LINGO1: variants seen among roughly 807,000 people sequenced by gnomAD.
The protein encoded by LINGO1 is leucine-rich repeat and immunoglobulin-like domain-containing nogo receptor-interacting protein 1.
LINGO1 carries 11 observed loss-of-function variants against 37.3 expected under a neutral mutation model. The ratio of observed to expected loss-of-function variants is 0.29; its 90% CI spans 0.19 to 0.49. LINGO1 has a LOEUF of 0.49. LINGO1 is among the 20% of genes least tolerant of loss of function. The pLI is 0.99. For missense variants in LINGO1, 585 were observed against 878.2 expected (o/e 0.67, Z 4.22); for synonymous variants, 387 against 403.0 (o/e 0.96, Z 0.48).
At chr15:77,775,318 T>G (rs1226873845) in intron 1 of LINGO1, among the ~76,000 whole-genome samples, 1 of 152,152 alleles carries the variant, frequency 6.6e-6, no homozygotes. Flanking sequence ...GGGTGCCCAC[T>G]GCAGGCCCAA....
chr15:77,778,395 G>C lies in LINGO1; in HGVS notation c.-257+8474C>G, dbSNP rs1040475831. Among the ~76,000 whole-genome samples the C allele has an allele frequency of 7.2e-5, 11 of 152,132 alleles. 1 individual carries two copies. The highest frequency in any genetic ancestry group is 2.0e-4 in the Admixed American group (3 of 15,274). On this transcript the variant is annotated intron_variant, in intron 1 of 3. Transcript: ENST00000561686. ...CACAGGTTCCAGGGTTGCGGGCCTG[G>C]ATATCATTGAAAGCCACTGTTTTGC...
chr15:77,616,920 C>A (rs1048279897), intron 1 of LINGO1, among the ~76,000 whole-genome samples: 1 of 152,198 alleles, frequency 6.6e-6, no homozygotes, highest in Non-Finnish European at 1.5e-5. Flanking sequence ...CCAGCCGTCA[C>A]CTGTCTGTCT....
At chr15:77,627,887 C>T (rs945991216) in intron 1 of LINGO1, among the ~76,000 whole-genome samples, 2 of 152,196 alleles carry the variant, frequency 1.3e-5, no homozygotes, top group Non-Finnish European at 2.9e-5. Context: ...ACTGGGGGAA[C>T]GGGTGCCGAT....
intron 1 of LINGO1, among the ~76,000 whole-genome samples, chr15:77,769,089 C>T (rs962425598): frequency 3.3e-5 from 5 of 152,210 alleles, no homozygotes; most frequent in Non-Finnish European, 7.3e-5. Context: ...AGTCTCTGGC[C>T]TCCCTGCTCC....
chr15:77,681,238 T>C (rs79139488), intron 2 of LINGO1, among the ~76,000 whole-genome samples: 6 of 150,384 alleles, frequency 4.0e-5, no homozygotes, highest in Admixed American at 1.3e-4. Flanking sequence ...GTTTTTTTTT[T>C]CTTTGTAAAT....
intron 2 of LINGO1, among the ~76,000 whole-genome samples, chr15:77,683,635 C>A (rs1478359194): frequency 6.6e-6 from 1 of 152,118 alleles, no homozygotes; most frequent in Non-Finnish European, 1.5e-5. Context: ...AATATGATTC[C>A]GTTTCCTTTT....
chr15:77,624,726 G>A (rs961112410), intron 1 of LINGO1, among the ~76,000 whole-genome samples: 32 of 151,448 alleles, frequency 2.1e-4, no homozygotes, highest in Non-Finnish European at 4.4e-5. Flanking sequence ...GTGTGATCTC[G>A]GGGGAATCCT....
chr15:77,669,774 T>C (rs574455625), intron 3 of LINGO1, among the ~76,000 whole-genome samples: 361 of 152,246 alleles, frequency 2.4e-3, no homozygotes, highest in Non-Finnish European at 4.1e-3. Context: ...CAACAGCGAG[T>C]GGGCAGAACT....
At position 77,613,936 on chromosome 15, in the gene LINGO1, T is replaced by G; in HGVS notation, c.*108A>C. The stretch of plus-strand genomic sequence containing the variant: ...GGAGGCGGGAGGGAGAAAGAGAACG[T>G]GTGTAGAAGGGTAGGGAGGAGGTGG... On this transcript the variant is annotated 3_prime_UTR_variant, in exon 2 of 2. Transcript: ENST00000355300. The G allele has an allele frequency of 3.4e-6, 3 of 877,238 alleles. No individual in the cohort carries two copies. Among genetic ancestry groups the G allele is most frequent in the Non-Finnish European group, 5.1e-6 (3 of 585,782 alleles). 54.3% of individuals were successfully genotyped at this position (877,238 alleles called of 1,614,324 possible).
In LINGO1 at chr15:77,776,488, A is replaced by AGCAGGAAGGCAGGAAGGCAGGAAG. The variant is rs1204753224; in HGVS notation, c.-257+10357_-257+10380dup. Among the ~76,000 whole-genome samples, 456 of 90,634 alleles carry AGCAGGAAGGCAGGAAGGCAGGAAG rather than the reference A, an allele frequency of 5.0e-3. 16 individuals are homozygous for AGCAGGAAGGCAGGAAGGCAGGAAG. The highest frequency in any genetic ancestry group is 0.022 in the Middle Eastern group (4 of 186). 59.5% of individuals were successfully genotyped at this position (90,634 alleles called of 152,430 possible). A position where few individuals can be genotyped will look rare whatever the true frequency, so the allele number is the denominator to read the frequency against. ...AGGCAGGAAGGCAGGAAGGCAGGAA[A>AGCAGGAAGGCAGGAAGGCAGGAAG]GCAGGAAGGCAGGAAGGCAGGAAGG... On this transcript the variant is annotated intron_variant, in intron 1 of 3. Transcript: ENST00000561686.
chr15:77,751,929 T>G (rs2076376055), intron 1 of LINGO1, among the ~76,000 whole-genome samples: 1 of 152,160 alleles, frequency 6.6e-6, no homozygotes, highest in Non-Finnish European at 1.5e-5. Flanking sequence ...GCCAGGTGCT[T>G]TGTTCCATCA....
upstream of LINGO1, chr15:77,787,798 C>T (rs1021590436): frequency 2.6e-5 from 4 of 152,174 alleles, no homozygotes; most frequent in South Asian, 4.1e-4. Flanking sequence ...GCCTCTAAGG[C>T]ATCTCACAAA....
chr15:77,786,019 G>A (rs1253425322), intron 1 of LINGO1, among the ~76,000 whole-genome samples: 1 of 152,178 alleles, frequency 6.6e-6, no homozygotes, highest in Non-Finnish European at 1.5e-5. Flanking sequence ...GCCTCCGTGA[G>A]GTAGGTATCA....
At chr15:77,799,270 T>C (rs2141459618) in intron 1 of LINGO1, among the ~76,000 whole-genome samples, 1 of 152,206 alleles carries the variant, frequency 6.6e-6, no homozygotes, top group Non-Finnish European at 1.5e-5. Context: ...AGACAGACCA[T>C]CATGATCAGA....
At chr15:77,710,479 GAGCTC>G (rs2075905296) in intron 2 of LINGO1, among the ~76,000 whole-genome samples, 1 of 152,210 alleles carries the variant, frequency 6.6e-6, no homozygotes, top group South Asian at 2.1e-4. Flanking sequence ...GAGGTTTACA[GAGCTC>G]AGTTTCACGG....
At chr15:77,647,275 T>G (rs946230337) in intron 3 of LINGO1, among the ~76,000 whole-genome samples, 1 of 152,064 alleles carries the variant, frequency 6.6e-6, no homozygotes, top group Non-Finnish European at 1.5e-5. Flanking sequence ...CAGGAGATAT[T>G]AGGAAGCTAG....
chr15:77,816,282 G>A (rs1007629766), intron 1 of LINGO1, among the ~76,000 whole-genome samples: 1 of 152,214 alleles, frequency 6.6e-6, no homozygotes, highest in Non-Finnish European at 1.5e-5. Context: ...CAAGCCAGAA[G>A]ATACCTCCAA....
intron 1 of LINGO1, among the ~76,000 whole-genome samples, chr15:77,763,414 C>T (rs1596201783): frequency 6.6e-6 from 1 of 152,096 alleles, no homozygotes; most frequent in African/African-American, 2.4e-5. Context: ...CACCCATCCC[C>T]TCTCCCCAGT....
intron 2 of LINGO1, among the ~76,000 whole-genome samples, chr15:77,720,428 C>G (rs935434877): frequency 6.6e-6 from 1 of 152,252 alleles, no homozygotes; most frequent in Non-Finnish European, 1.5e-5. Context: ...ACCAGGCCAC[C>G]CGGCAGCAGG....
Sources: allele counts gnomAD v4.1 joint callset (sites outside exome capture counted in the v4.1 genomes callset), GRCh38; gene constraint gnomAD v4.1.1; transcripts MANE v1.5; gene names NCBI Gene and HGNC (gene_info 2026-07-23, HGNC 2026-07-21).